Variants in TET1 observed in about 807,000 individuals in gnomAD.
The protein encoded by TET1 is tet methylcytosine dioxygenase 1.
In TET1, 13 loss-of-function variants were observed where a neutral mutation model predicts 148.7. The observed-to-expected ratio is 0.09, with a 90% CI of 0.06 to 0.14. The LOEUF is 0.14. Ranked by LOEUF, TET1 falls within the 10% of genes least tolerant of loss-of-function variation. The pLI is 1.00. For synonymous variants in TET1, 907 were observed against 937.2 expected, an observed-to-expected ratio of 0.97 and a Z score of 0.59; for missense variants, 2,182 against 2,553.8, an observed-to-expected ratio of 0.85 and a Z score of 3.14.
chr10:68,584,003 A>G (rs1219517352), intron 2 of TET1, among the ~76,000 whole-genome samples: 3 of 152,130 alleles, frequency 2.0e-5, no homozygotes, highest in Non-Finnish European at 4.4e-5. Context: ...ATATTTGTTG[A>G]ACAAATGATT....
At position 68,560,726 on chromosome 10, in the gene TET1, A is replaced by G. The variant is rs2664442; in HGVS notation, c.-139A>G. 150,311 of 152,798 alleles carry G rather than the reference A, an allele frequency of 0.98. 73,983 individuals are homozygous for G. Among genetic ancestry groups the G allele is most frequent in the Middle Eastern group, 1 (294 of 294 alleles). The allele number at this position is 152,798 out of a possible 1,614,324, so 9.5% of individuals were successfully genotyped here. A position where few individuals can be genotyped will look rare whatever the true frequency, so the allele number is the denominator to read the frequency against. ...CTGGGGGCCGTGCGCTGCCCTGGGAATGTGACCCGGCCAGCGGTGAGTTGG... is the reference window on the plus strand; with the variant it reads ...CTGGGGGCCGTGCGCTGCCCTGGGAGTGTGACCCGGCCAGCGGTGAGTTGG... On this transcript the variant is annotated 5_prime_UTR_variant, in exon 1 of 12. An upstream start codon of the reference 5' UTR is lost. Transcript: ENST00000373644.
intron 3 of TET1, among the ~76,000 whole-genome samples, chr10:68,619,456 C>G (rs1413377454): frequency 2.0e-5 from 3 of 152,152 alleles, no homozygotes; most frequent in African/African-American, 7.2e-5. Context: ...CTCAAGTAAT[C>G]TAGCCCCCTC....
Position 68,560,546 on chromosome 10 carries a change from C to T in TET1, c.-319C>T, listed in dbSNP as rs1027005236. 2 of 152,340 alleles carry T rather than the reference C, an allele frequency of 1.3e-5. No homozygotes were observed. The highest frequency in any genetic ancestry group is 2.9e-5 in the Non-Finnish European group (2 of 68,116). The allele number at this position is 152,340 out of a possible 1,614,324, so 9.4% of individuals were successfully genotyped here. A position where few individuals can be genotyped will look rare whatever the true frequency, so the allele number is the denominator to read the frequency against. On this transcript the variant is annotated 5_prime_UTR_variant, in exon 1 of 12. Coordinates refer to ENST00000373644, the MANE Select transcript of TET1 (RefSeq NM_030625.3). Reference sequence around the variant, plus strand: ...TGTGGACCTTTGGGAACCGACTCCTCACCTCGGGGGCTCGGGCCTTGACTG... The same window carrying T: ...TGTGGACCTTTGGGAACCGACTCCTTACCTCGGGGGCTCGGGCCTTGACTG...
At position 68,647,016 on chromosome 10, in the gene TET1, GT is replaced by G. The variant is rs778645925; in HGVS notation, c.4276+12del. ...CCTGCAGCTGTCTTGGTGAGTACTT[GT>G]GTGCATGTGTTCTTATTTCACCTGC... On this transcript the variant is annotated intron_variant, in intron 4 of 11. Coordinates refer to ENST00000373644, the MANE Select transcript of TET1 (RefSeq NM_030625.3). The G allele has an allele frequency of 6.3e-6, 10 of 1,591,728 alleles. No individual in the cohort carries two copies. In the South Asian group the frequency reaches 1.1e-4, roughly 18 times the overall value.
intron 3 of TET1, among the ~76,000 whole-genome samples, chr10:68,622,827 C>A (rs1261780174): frequency 6.6e-6 from 1 of 152,118 alleles, no homozygotes; most frequent in Non-Finnish European, 1.5e-5. Flanking sequence ...GACCCTCCCG[C>A]CTTAGCCTCC....
intron 6 of TET1, among the ~76,000 whole-genome samples, chr10:68,652,911 A>G (rs1349028745): frequency 1.3e-5 from 2 of 148,308 alleles, no homozygotes; most frequent in East Asian, 3.9e-4. Flanking sequence ...AGTCCCCTAA[A>G]GTGCTGGGAT....
chr10:68,568,078 A>T (rs1184810702), intron 1 of TET1, among the ~76,000 whole-genome samples: 1 of 151,998 alleles, frequency 6.6e-6, no homozygotes, highest in Admixed American at 6.6e-5. Flanking sequence ...GAATTTCTCC[A>T]TGTTGGTCAA....
chr10:68,627,427 AT>A (rs1277704642), intron 3 of TET1, among the ~76,000 whole-genome samples: 4 of 151,772 alleles, frequency 2.6e-5, no homozygotes, highest in African/African-American at 9.7e-5. Context: ...AAATAAATAA[AT>A]AAAATAAAAA....
chr10:68,631,814 G>A (rs1405348203), intron 3 of TET1, among the ~76,000 whole-genome samples: 2 of 151,982 alleles, frequency 1.3e-5, no homozygotes, highest in African/African-American at 4.8e-5. Context: ...TTTTCTTTAA[G>A]GGGTAACATT....
intron 2 of TET1, among the ~76,000 whole-genome samples, chr10:68,589,562 C>T (rs976615152): frequency 4.6e-5 from 7 of 151,890 alleles, no homozygotes; most frequent in Non-Finnish European, 8.8e-5. Context: ...CCTCGGCCTC[C>T]CAAAGTGCTG....
chr10:68,603,655 T>C (rs940882713), intron 3 of TET1, among the ~76,000 whole-genome samples: 7 of 152,030 alleles, frequency 4.6e-5, no homozygotes, highest in African/African-American at 1.7e-4. Context: ...CTTCTAGTCC[T>C]AGCTACTCAG....
At chr10:68,569,453 C>T (rs1232223722) in intron 1 of TET1, among the ~76,000 whole-genome samples, 8 of 152,090 alleles carry the variant, frequency 5.3e-5, no homozygotes, top group East Asian at 1.9e-4. Context: ...GGATTACAGG[C>T]GTGAATCACC....
Position 68,692,997 on chromosome 10 carries a change from T to C in TET1, c.*1183T>C, listed in dbSNP as rs770340230. 2.6e-5 allele frequency: 6 copies of C among 230,616 alleles called. No individual in the cohort carries two copies. The highest frequency in any genetic ancestry group is 4.3e-5 in the Non-Finnish European group (5 of 117,012). The allele number at this position is 230,616 out of a possible 1,614,324, so 14.3% of individuals were successfully genotyped here. A position where few individuals can be genotyped will look rare whatever the true frequency, so the allele number is the denominator to read the frequency against. ...AAACAAATTCCCTACTATCATCACA[T>C]GCCTCCCCAACCCCAAGTCAAAAAC... On this transcript the variant is annotated 3_prime_UTR_variant, in exon 12 of 12. Coordinates refer to ENST00000373644, the MANE Select transcript of TET1 (RefSeq NM_030625.3).
chr10:68,641,923 C>T (rs1255086263), intron 3 of TET1, among the ~76,000 whole-genome samples: 1 of 152,132 alleles, frequency 6.6e-6, no homozygotes, highest in African/African-American at 2.4e-5. Flanking sequence ...TTCAGCCTCC[C>T]CAGTAGGTAG....
chr10:68,669,153 G>A lies in TET1; in HGVS notation c.4673+1897G>A, dbSNP rs752475793. Among the ~76,000 whole-genome samples, 13 of 152,284 alleles carry A rather than the reference G, an allele frequency of 8.5e-5. No individual in the cohort carries two copies. In the South Asian group the frequency reaches 2.7e-3, roughly 32 times the overall value. On this transcript the variant is annotated intron_variant, in intron 7 of 11. Coordinates refer to ENST00000373644, the MANE Select transcript of TET1 (RefSeq NM_030625.3). Reference sequence around the variant, plus strand: ...CTGGCTACTTTGAAAGCTGAGGAGGGAGGATGGCTTGAGGCCAGGAGTTTG... The same window carrying A: ...CTGGCTACTTTGAAAGCTGAGGAGGAAGGATGGCTTGAGGCCAGGAGTTTG...
At chr10:68,570,765 G>T (rs1420314060) in intron 1 of TET1, among the ~76,000 whole-genome samples, 2 of 151,310 alleles carry the variant, frequency 1.3e-5, no homozygotes, top group African/African-American at 2.4e-5. Context: ...GAGTAGCTGG[G>T]ACTACGGGCA....
chr10:68,575,417 A>T (rs2053716901), intron 2 of TET1, among the ~76,000 whole-genome samples: 1 of 151,954 alleles, frequency 6.6e-6, no homozygotes. Flanking sequence ...AAATAAATAA[A>T]TAAAGTATTG....
At chr10:68,620,126 C>T (rs577801779) in intron 3 of TET1, among the ~76,000 whole-genome samples, 34 of 152,204 alleles carry the variant, frequency 2.2e-4, no homozygotes, top group East Asian at 1.7e-3. Context: ...ACACAGGAGG[C>T]GGAGATTGCA....
Position 68,644,754 on chromosome 10 carries a change from T to C in TET1, c.2025T>C (p.Ser675=), listed in dbSNP as rs772512367. The change falls in exon 4 of 12, where the codon AGT becomes AGC. Residue 675 remains serine, a synonymous_variant. Transcript: ENST00000373644. ...CCAAGTCAGAATCCATGGACTACAGTAGATGTGGTCATGGGGAAGAACAAA... is the reference window on the plus strand; with the variant it reads ...CCAAGTCAGAATCCATGGACTACAGCAGATGTGGTCATGGGGAAGAACAAA... ...NGPKSESMDY[S]RCGHGEEQKL... 2.5e-6 allele frequency: 4 copies of C among 1,611,606 alleles called. No homozygotes were observed. The highest frequency in any genetic ancestry group is 3.4e-6 in the Non-Finnish European group (4 of 1,179,370).
Sources: gnomAD v4.1 joint callset for allele counts (sites outside exome capture counted in the v4.1 genomes callset) on GRCh38, gnomAD v4.1.1 for gene constraint, MANE v1.5 for transcripts, NCBI Gene and HGNC (gene_info 2026-07-23, HGNC 2026-07-21) for gene names.